The following SLC39A1 variants were observed in gnomAD, a reference collection of about 807,000 sequenced individuals.
The protein encoded by SLC39A1 is zinc transporter ZIP1.
In SLC39A1, 17 loss-of-function variants were observed where a neutral mutation model predicts 21.4. The ratio of observed to expected loss-of-function variants is 0.79; its 90% CI spans 0.54 to 1.19. SLC39A1 has a LOEUF of 1.19. SLC39A1 is among the 50% of genes most tolerant of loss of function. The pLI, the probability that SLC39A1 is intolerant of heterozygous loss-of-function variation, is 0.00. For synonymous variants in SLC39A1, 183 were observed against 185.9 expected (o/e 0.98, Z 0.13); for missense variants, 343 against 399.8 (o/e 0.86, Z 1.21).
In SLC39A1 at chr1:153,959,568, T is replaced by TA. The variant is rs1255044772; in HGVS notation, c.*529dup. 12 of 321,646 alleles carry TA rather than the reference T, an allele frequency of 3.7e-5. No individual in the cohort carries two copies. The highest frequency in any genetic ancestry group is 5.6e-6 in the Non-Finnish European group (1 of 177,504). The allele number at this position is 321,646 out of a possible 1,614,324, so 19.9% of individuals were successfully genotyped here. ...GCAGGACTGGAGAGGCCAGAGAAGA[T>TA]ACCAAAATTGGCAGGGAGAGACCAT... On this transcript the variant is annotated 3_prime_UTR_variant, in exon 4 of 4. Coordinates refer to ENST00000356205, the MANE Select transcript of SLC39A1 (RefSeq NM_001271958.2).
chr1:153,966,747 T>C (rs1647811820), upstream of SLC39A1: 1 of 152,204 alleles, frequency 6.6e-6, no homozygotes, highest in Admixed American at 6.5e-5. Flanking sequence ...ATAAGGATAA[T>C]TAGTAGCAGT....
upstream of SLC39A1, among the ~76,000 whole-genome samples, chr1:153,965,426 CA>C (rs910283788): frequency 6.8e-6 from 1 of 147,760 alleles, no homozygotes; most frequent in Non-Finnish European, 1.5e-5. Context: ...GACTCCGTCT[CA>C]AAAAAAAAGA....
chr1:153,963,106 C>G (rs1388110956), intron 1 of SLC39A1: 1 of 176,280 alleles, frequency 5.7e-6, no homozygotes, highest in Non-Finnish European at 1.2e-5. Flanking sequence ...GTCCCCAACT[C>G]CCGAACGGAG....
chr1:153,962,344 C>T lies in SLC39A1; in HGVS notation c.194G>A (p.Arg65His), dbSNP rs61755890. 7.9e-4 allele frequency: 1,281 copies of T among 1,613,838 alleles called. 10 individuals are homozygous for T. Among genetic ancestry groups the T allele is most frequent in the South Asian group, 4.8e-3 (434 of 91,054 alleles). ...PGANHEGSAS[R>H]QKALSLVSCF... is the part of the protein sequence containing the mutation. Reference sequence around the variant, plus strand: ...GCTTACTAGGCTCAGGGCTTTCTGGCGGGAAGCTGGGTAGGGGTGAAGCAC... The same window carrying T: ...GCTTACTAGGCTCAGGGCTTTCTGGTGGGAAGCTGGGTAGGGGTGAAGCAC... The change falls in exon 3 of 4, where the codon CGC (arginine) becomes CAC (histidine). Residue 65 changes from arginine (R) to histidine (H), a missense_variant. Arg to His is a conservative substitution (Grantham distance 29). Coordinates refer to ENST00000356205, the MANE Select transcript of SLC39A1 (RefSeq NM_001271958.2).
chr1:153,962,141 G>T, intron 3 of SLC39A1, 79 bp downstream of exon 3: 1 of 1,544,126 alleles, frequency 6.5e-7, no homozygotes, highest in Non-Finnish European at 8.8e-7. Flanking sequence ...AGTGGCACAT[G>T]AATCAATCTC....
chr1:153,967,694 C>T (rs1168851958), upstream of SLC39A1: 3 of 152,276 alleles, frequency 2.0e-5, no homozygotes, highest in South Asian at 2.1e-4. Context: ...AACTGCGGCC[C>T]CATTGGCCTG....
chr1:153,960,285 G>T lies in SLC39A1; in HGVS notation c.788C>A (p.Ser263Ter). 1 of 1,614,056 alleles carries T rather than the reference G, an allele frequency of 6.2e-7. No individual in the cohort carries two copies. Among genetic ancestry groups the T allele is most frequent in the East Asian group, 2.2e-5 (1 of 44,886 alleles). Reference protein sequence around the residue: ...GIGLGAALAESAGPLHQLAQS... With the variant: ...GIGLGAALAE ...GGCCAGCTGGTGCAGAGGTCCTGCC[G>T]ACTCTGCCAGAGCTGCACCCAGCCC... The change falls in exon 4 of 4, where the codon TCG becomes TAG. Residue 263 changes from serine to a stop codon, truncating the protein, a stop_gained. Transcript: ENST00000356205. LOFTEE classifies it high-confidence loss of function.
rs1647481045 is a variant in SLC39A1 at position 153,962,143 on chromosome 1, A to C, written c.318+77T>G. 19 of 1,547,672 alleles carry C rather than the reference A, an allele frequency of 1.2e-5. No individual in the cohort carries two copies. The South Asian group carries it at 1.9e-4, about 16-fold the overall frequency. The stretch of plus-strand genomic sequence containing the variant: ...CACACAGTCATGGAGTGGCACATGA[A>C]TCAATCTCCACAAACCAACACTCCC... On this transcript the variant is annotated intron_variant, in intron 3 of 3. Transcript: ENST00000356205.
In SLC39A1 at chr1:153,962,542, G is replaced by A. The variant is rs3211050; in HGVS notation, c.174C>T (p.Asn58=). The A allele has an allele frequency of 6.2e-7, 1 of 1,612,586 alleles. No homozygotes were observed. Among genetic ancestry groups the A allele is most frequent in the South Asian group, 1.1e-5 (1 of 90,916 alleles). ...GGAGAGGCTTACCTGAGCCTTCATG[G>A]TTAGCTCCTGGCCGGCGCAGCACAC... is the stretch of plus-strand genomic sequence containing the variant. ...PICVLRRPGA[N]HEGSASRQKA... Residue 58 remains asparagine (N), a synonymous_variant, in exon 2 of 4, where the codon AAC becomes AAT. Coordinates refer to ENST00000356205, the MANE Select transcript of SLC39A1 (RefSeq NM_001271958.2).
chr1:153,960,038 AG>A lies in SLC39A1; in HGVS notation c.*59del. The A allele has an allele frequency of 6.6e-7, 1 of 1,510,202 alleles. No individual in the cohort carries two copies. Among genetic ancestry groups the A allele is most frequent in the African/African-American group, 1.4e-5 (1 of 71,948 alleles). 93.6% of individuals were successfully genotyped at this position (1,510,202 alleles called of 1,614,324 possible). On this transcript the variant is annotated 3_prime_UTR_variant, in exon 4 of 4. Coordinates refer to ENST00000356205, the MANE Select transcript of SLC39A1 (RefSeq NM_001271958.2). ...CCTTCCTATTCCCCACAACTGGGGGAGGGAAGGGAGAACAGGGGCACCTGAT... is the reference window on the plus strand; with the variant it reads ...CCTTCCTATTCCCCACAACTGGGGGAGGAAGGGAGAACAGGGGCACCTGAT...
At chr1:153,960,885 T>A in intron 3 of SLC39A1, 131 bp from the exon 4 acceptor site, 1 of 793,354 alleles carries the variant, frequency 1.3e-6, no homozygotes, top group Non-Finnish European at 2.0e-6. Context: ...AAAGATAGAG[T>A]GAATTGGTAA....
chr1:153,961,511 A>T (rs1344799250), intron 3 of SLC39A1, among the ~76,000 whole-genome samples: 2 of 152,156 alleles, frequency 1.3e-5, no homozygotes, highest in Admixed American at 1.3e-4. Context: ...CCTAGTTGAG[A>T]GTCACTGATG....
chr1:153,964,721 C>A (rs1647685322), upstream of SLC39A1: 1 of 151,426 alleles, frequency 6.6e-6, no homozygotes, highest in Admixed American at 6.6e-5. Context: ...GGATGAATCA[C>A]CTGAGGACAG....
chr1:153,964,542 G>A (rs1050250974), upstream of SLC39A1: 4 of 151,270 alleles, frequency 2.6e-5, no homozygotes, highest in African/African-American at 9.7e-5. Context: ...CTTCCTACAG[G>A]AAAATTAATT....
upstream of SLC39A1, among the ~76,000 whole-genome samples, chr1:153,965,883 G>A (rs116343572): frequency 6.6e-3 from 1,009 of 152,038 alleles, 5 homozygotes; most frequent in Non-Finnish European, 0.011. Flanking sequence ...CACCACACCC[G>A]GCCCAATAGA....
At chr1:153,964,839 C>A (rs977392087), upstream of SLC39A1, 1 of 152,090 alleles carries the variant, frequency 6.6e-6, no homozygotes, top group Non-Finnish European at 1.5e-5. Context: ...ACTCGGGAGG[C>A]CGAGGCAGGA....
chr1:153,959,953 A>G lies in SLC39A1; in HGVS notation c.*145T>C. The G allele has an allele frequency of 1.1e-6, 1 of 911,878 alleles. No homozygotes were observed. 56.5% of individuals were successfully genotyped at this position (911,878 alleles called of 1,614,324 possible). ...TCCCTCTCATTAGTCAGATAGCCCC[A>G]AAGGCTCTATCTTTAGCTCCCAGAG... On this transcript the variant is annotated 3_prime_UTR_variant, in exon 4 of 4. Coordinates refer to ENST00000356205, the MANE Select transcript of SLC39A1 (RefSeq NM_001271958.2).
Position 153,962,199 on chromosome 1 carries a change from C to T in SLC39A1, c.318+21G>A, listed in dbSNP as rs751894514. ...TGTGTGATTCCCCTCCCGCAAGTCA[C>T]ATGCCCAGGCCAGTGCTCACCGTCA... On this transcript the variant is annotated intron_variant, in intron 3 of 3. Coordinates refer to ENST00000356205, the MANE Select transcript of SLC39A1 (RefSeq NM_001271958.2). 4.3e-5 allele frequency: 69 copies of T among 1,609,444 alleles called. 1 individual carries two copies. In the South Asian group the frequency reaches 7.3e-4, roughly 17 times the overall value.
At chr1:153,966,346 A>C (rs1647783273), upstream of SLC39A1, among the ~76,000 whole-genome samples, 1 of 152,236 alleles carries the variant, frequency 6.6e-6, no homozygotes, top group African/African-American at 2.4e-5. Context: ...TGAGAAAGTT[A>C]CTTAAACTTG....
Sources: gnomAD v4.1 joint callset for allele counts (sites outside exome capture counted in the v4.1 genomes callset) on GRCh38, gnomAD v4.1.1 for gene constraint, MANE v1.5 for transcripts, NCBI Gene and HGNC (gene_info 2026-07-23, HGNC 2026-07-21) for gene names.